Variants in TNIK observed in about 807,000 individuals in gnomAD.
TNIK encodes the protein TRAF2 and NCK interacting kinase.
TNIK carries 49 observed loss-of-function variants against 191.3 expected under a neutral mutation model. The observed-to-expected ratio is 0.26, with a 90% CI of 0.20 to 0.32. TNIK has a LOEUF of 0.32. TNIK is among the 10% of genes least tolerant of loss of function. The pLI, the probability that TNIK is intolerant of heterozygous loss-of-function variation, is 1.00. For synonymous variants in TNIK, 594 were observed against 600.9 expected, an observed-to-expected ratio of 0.99 and a Z score of 0.17; for missense variants, 1,155 against 1,702.3, an observed-to-expected ratio of 0.68 and a Z score of 5.66.
chr3:171,304,314 C>T (rs141895200), intron 2 of TNIK, among the ~76,000 whole-genome samples: 7,727 of 152,100 alleles, frequency 0.051, 220 homozygotes, highest in Middle Eastern at 0.062. Context: ...AATGAGATAC[C>T]ATCTCACACC....
chr3:171,426,275 C>A (rs1477145902), intron 1 of TNIK, among the ~76,000 whole-genome samples: 2 of 151,514 alleles, frequency 1.3e-5, no homozygotes, highest in East Asian at 3.9e-4. Flanking sequence ...TGAAGCTGGA[C>A]ACCATCATTC....
chr3:171,459,925 A>G, intron 1 of TNIK, 82 bp downstream of exon 1: 3 of 494,212 alleles, frequency 6.1e-6, no homozygotes, highest in Non-Finnish European at 1.1e-5. Flanking sequence ...CCCCTGCCCC[A>G]GCCCCAGCCC....
intron 3 of TNIK, among the ~76,000 whole-genome samples, chr3:171,213,100 A>C (rs964278237): frequency 6.6e-6 from 1 of 152,146 alleles, no homozygotes; most frequent in Non-Finnish European, 1.5e-5. Context: ...CAGCCATCAG[A>C]AACTCCCCAC....
intron 2 of TNIK, among the ~76,000 whole-genome samples, chr3:171,287,234 G>A (rs1751111056): frequency 6.6e-6 from 1 of 151,882 alleles, no homozygotes; most frequent in Non-Finnish European, 1.5e-5. Flanking sequence ...CCTCAAAATT[G>A]AACAAAAATT....
chr3:171,205,388 G>C (rs1174732663), intron 4 of TNIK, among the ~76,000 whole-genome samples: 1 of 152,214 alleles, frequency 6.6e-6, no homozygotes, highest in Non-Finnish European at 1.5e-5. Flanking sequence ...CCTCTGCATA[G>C]ACGCGAGTCT....
intron 23 of TNIK, among the ~76,000 whole-genome samples, chr3:171,089,737 T>G (rs1721825697): frequency 6.6e-6 from 1 of 152,210 alleles, no homozygotes; most frequent in African/African-American, 2.4e-5. Context: ...AAGAACCTCA[T>G]TAACAGAACC....
At chr3:171,429,277 A>G (rs1725046769) in intron 1 of TNIK, among the ~76,000 whole-genome samples, 1 of 152,178 alleles carries the variant, frequency 6.6e-6, no homozygotes, top group African/African-American at 2.4e-5. Context: ...TAGGATATCT[A>G]CTAGAGTCTC....
At chr3:171,110,200 C>T (rs1197848133) in intron 19 of TNIK, among the ~76,000 whole-genome samples, 5 of 152,218 alleles carry the variant, frequency 3.3e-5, no homozygotes, top group African/African-American at 1.2e-4. Context: ...AGCCACCACA[C>T]TCGGCCTAAA....
At chr3:171,275,388 A>C (rs549771377) in intron 2 of TNIK, among the ~76,000 whole-genome samples, 34 of 152,264 alleles carry the variant, frequency 2.2e-4, no homozygotes, top group Non-Finnish European at 4.3e-4. Context: ...AAATACACAT[A>C]AGACAGGCAA....
chr3:171,088,833 G>C (rs1349281227), intron 23 of TNIK, among the ~76,000 whole-genome samples: 1 of 152,208 alleles, frequency 6.6e-6, no homozygotes, highest in Non-Finnish European at 1.5e-5. Flanking sequence ...GAGCAGATCT[G>C]ATTAAGTGAT....
At chr3:171,340,954 C>T (rs1324070066) in intron 2 of TNIK, among the ~76,000 whole-genome samples, 1 of 151,602 alleles carries the variant, frequency 6.6e-6, no homozygotes, top group Non-Finnish European at 1.5e-5. Context: ...TGTTCTCCTC[C>T]AAGAACAAAA....
chr3:171,123,483 G>A (rs1576889845), intron 18 of TNIK, 113 bp downstream of exon 18: 1 of 813,084 alleles, frequency 1.2e-6, no homozygotes, highest in Non-Finnish European at 1.8e-6. Flanking sequence ...AGTGCACATG[G>A]AAAGTCAACC....
At chr3:171,124,481 C>T (rs1728199399) in intron 17 of TNIK, among the ~76,000 whole-genome samples, 1 of 152,122 alleles carries the variant, frequency 6.6e-6, no homozygotes, top group South Asian at 2.1e-4. Flanking sequence ...ATTTATAAAA[C>T]AGACATTTTA....
At chr3:171,241,467 C>A (rs1165450294) in intron 2 of TNIK, among the ~76,000 whole-genome samples, 1 of 152,100 alleles carries the variant, frequency 6.6e-6, no homozygotes, top group Admixed American at 6.5e-5. Context: ...GCATATAAGT[C>A]AAGCAAACAA....
intron 7 of TNIK, among the ~76,000 whole-genome samples, chr3:171,180,988 T>A (rs776883362): frequency 7.9e-5 from 12 of 152,114 alleles, no homozygotes; most frequent in Non-Finnish European, 1.0e-4. Context: ...GCAACATGGA[T>A]TGGTAGAAAG....
rs1007287659 is a variant in TNIK, at chr3:171,211,519, A to C, written c.181-278T>G. On this transcript the variant is annotated intron_variant, in intron 3 of 32. Coordinates refer to ENST00000436636, the MANE Select transcript of TNIK (RefSeq NM_015028.4). ...CTCATCTCTTCACCTAGAAGAGATC[A>C]AGGTAGAAAGACTATCGAGAGAAAA... is the stretch of plus-strand genomic sequence containing the variant. 2.0e-5 allele frequency among the ~76,000 whole-genome samples: 3 copies of C among 152,206 alleles called. No individual in the cohort carries two copies. In the East Asian group the frequency reaches 5.8e-4, roughly 29 times the overall value.
At chr3:171,441,032 G>A (rs965358961) in intron 1 of TNIK, among the ~76,000 whole-genome samples, 4 of 152,118 alleles carry the variant, frequency 2.6e-5, no homozygotes, top group African/African-American at 7.2e-5. Context: ...AGAATGACAC[G>A]AAAATACGTA....
intron 2 of TNIK, among the ~76,000 whole-genome samples, chr3:171,349,220 A>C (rs1038569622): frequency 6.6e-6 from 1 of 152,232 alleles, no homozygotes; most frequent in Admixed American, 6.5e-5. Context: ...TGGGAAAATT[A>C]GAAATTTTGG....
Position 171,110,881 on chromosome 3 carries a change from T to C in TNIK, c.2121-4A>G, listed in dbSNP as rs377058633. The C allele has an allele frequency of 1.1e-5, 18 of 1,597,472 alleles. No individual in the cohort carries two copies. Among genetic ancestry groups the C allele is most frequent in the Non-Finnish European group, 1.4e-5 (17 of 1,172,644 alleles). On this transcript the variant is annotated splice_polypyrimidine_tract_variant and splice_region_variant and intron_variant, in intron 18 of 32. Coordinates refer to ENST00000436636, the MANE Select transcript of TNIK (RefSeq NM_015028.4). ...AGTTCTCCGGAGATCAGGGTTGCTGTGTGAGTGACAGAGCACACTGGTTAC... is the reference window on the plus strand; with the variant it reads ...AGTTCTCCGGAGATCAGGGTTGCTGCGTGAGTGACAGAGCACACTGGTTAC...
Sources: allele counts gnomAD v4.1 joint callset (sites outside exome capture counted in the v4.1 genomes callset), GRCh38; gene constraint gnomAD v4.1.1; transcripts MANE v1.5; gene names NCBI Gene and HGNC (gene_info 2026-07-23, HGNC 2026-07-21).